Variants in COBLL1 observed in about 807,000 individuals in gnomAD.
COBLL1 encodes the protein cordon-bleu protein-like 1.
Under a neutral mutation model 94.8 loss-of-function variants are expected in COBLL1, and 50 were observed. The observed-to-expected ratio is 0.53, with a 90% CI of 0.42 to 0.67. The LOEUF (loss-of-function observed/expected upper bound fraction) is 0.67. Among genes scored for constraint, COBLL1 ranks in the 30% least tolerant of loss-of-function variants. COBLL1 has a pLI of 0.00. For synonymous variants in COBLL1, 448 were observed against 473.8 expected (o/e 0.95, Z 0.71); for missense variants, 1,362 against 1,348.7 (o/e 1.01, Z -0.15).
chr2:164,694,701 T>C lies in COBLL1; in HGVS notation c.2691A>G (p.Lys897=), dbSNP rs771692146. The change falls in exon 12 of 14, where the codon AAA becomes AAG. Residue 897 remains lysine, a synonymous_variant. Transcript: ENST00000652658. ...SVHAAPNPAP[K]ELTNKEAERD... ...TTTCTGCCTCTTTATTTGTCAGTTCTTTTGGAGCAGGATTAGGGGCAGCAT... is the reference window on the plus strand; with the variant it reads ...TTTCTGCCTCTTTATTTGTCAGTTCCTTTGGAGCAGGATTAGGGGCAGCAT... 6.2e-7 allele frequency: 1 copy of C among 1,613,878 alleles called. No homozygotes were observed. The highest frequency in any genetic ancestry group is 1.1e-5 in the South Asian group (1 of 91,074).
intron 5 of COBLL1, among the ~76,000 whole-genome samples, chr2:164,725,733 T>C (rs1685694855): frequency 6.6e-6 from 1 of 152,324 alleles, no homozygotes; most frequent in African/African-American, 2.4e-5. Flanking sequence ...TGGTTATTTT[T>C]GGTGAAGAAA....
intron 2 of COBLL1, among the ~76,000 whole-genome samples, chr2:164,811,184 GT>G (rs1440117625): frequency 2.0e-5 from 3 of 151,756 alleles, no homozygotes; most frequent in Non-Finnish European, 3.0e-5. Context: ...TTGTTTACAT[GT>G]TTCTTCTCAT....
chr2:164,720,814 T>C (rs1685404785), intron 7 of COBLL1, among the ~76,000 whole-genome samples: 1 of 152,108 alleles, frequency 6.6e-6, no homozygotes, highest in African/African-American at 2.4e-5. Context: ...GAATCATCTC[T>C]CCGTGAAGAT....
chr2:164,668,231 T>C (rs1691195386), intron 1 of COBLL1, among the ~76,000 whole-genome samples: 1 of 151,994 alleles, frequency 6.6e-6, no homozygotes, highest in Non-Finnish European at 1.5e-5. Flanking sequence ...CCCAAAGTGC[T>C]GAGATTACAC....
intron 1 of COBLL1, among the ~76,000 whole-genome samples, chr2:164,671,457 C>T (rs1479133078): frequency 1.3e-5 from 2 of 152,052 alleles, no homozygotes; most frequent in Non-Finnish European, 2.9e-5. Context: ...AACAAATAGA[C>T]TCATAATATT....
At chr2:164,721,963 T>A (rs967849986) in intron 7 of COBLL1, 112 bp downstream of exon 7, 4 of 721,340 alleles carry the variant, frequency 5.5e-6, no homozygotes, top group Non-Finnish European at 9.1e-6. Flanking sequence ...AATTACCAAC[T>A]GTTATAGGAC....
chr2:164,668,115 C>G (rs895063373), intron 1 of COBLL1, among the ~76,000 whole-genome samples: 1 of 152,118 alleles, frequency 6.6e-6, no homozygotes, highest in Non-Finnish European at 1.5e-5. Context: ...AGGCATGCAC[C>G]ACCACTCCCT....
intron 2 of COBLL1, among the ~76,000 whole-genome samples, chr2:164,797,904 G>C (rs953839968): frequency 2.0e-5 from 3 of 152,116 alleles, no homozygotes; most frequent in Admixed American, 1.3e-4. Context: ...AACCAGATTG[G>C]AACTGAAACT....
At chr2:164,720,142 A>G (rs1228990851) in intron 7 of COBLL1, among the ~76,000 whole-genome samples, 2 of 152,190 alleles carry the variant, frequency 1.3e-5, no homozygotes, top group African/African-American at 4.8e-5. Context: ...ATGGTTCTTC[A>G]GCTTCTCTAG....
chr2:164,714,105 C>A (rs948367601), intron 7 of COBLL1, among the ~76,000 whole-genome samples: 1 of 151,630 alleles, frequency 6.6e-6, no homozygotes, highest in African/African-American at 2.4e-5. Flanking sequence ...TCTCTCAGGC[C>A]AGGTCAGGAC....
intron 2 of COBLL1, among the ~76,000 whole-genome samples, chr2:164,664,828 T>C (rs1691130166): frequency 6.6e-6 from 1 of 152,210 alleles, no homozygotes; most frequent in South Asian, 2.1e-4. Context: ...CATTTAGTTC[T>C]CCTGATAAAT....
In COBLL1 at chr2:164,841,243, A is replaced by C. The variant is rs1035667867; in HGVS notation, c.-47T>G. Reference sequence around the variant, plus strand: ...GGCTCCAGCTCCCAGGCGGCGCGTCACTGCTGGGGTGGGAGAGGCCGGCGG... The same window carrying C: ...GGCTCCAGCTCCCAGGCGGCGCGTCCCTGCTGGGGTGGGAGAGGCCGGCGG... On this transcript the variant is annotated 5_prime_UTR_variant, in exon 2 of 14. Coordinates refer to ENST00000652658, the MANE Select transcript of COBLL1 (RefSeq NM_001365672.2). The surrounding 1 kb of genome is among the most constrained non-coding windows in gnomAD (Gnocchi z 5.5). 2.4e-6 allele frequency: 3 copies of C among 1,226,954 alleles called. No individual in the cohort carries two copies. The highest frequency in any genetic ancestry group is 2.0e-6 in the Non-Finnish European group (2 of 985,296). 76.0% of individuals were successfully genotyped at this position (1,226,954 alleles called of 1,614,324 possible).
intron 2 of COBLL1, among the ~76,000 whole-genome samples, chr2:164,789,590 G>C (rs921996993): frequency 6.6e-6 from 1 of 152,136 alleles, no homozygotes; most frequent in Non-Finnish European, 1.5e-5. Context: ...CAGAGGGTAT[G>C]TTAGAAAACT....
At chr2:164,703,791 T>G in intron 9 of COBLL1, 1 of 248,214 alleles carries the variant, frequency 4.0e-6, no homozygotes, top group Non-Finnish European at 8.6e-6. Flanking sequence ...GGTATGATAT[T>G]ACTAGTCTAT....
intron 13 of COBLL1, among the ~76,000 whole-genome samples, chr2:164,688,286 A>G (rs140157069): frequency 6.6e-6 from 1 of 152,314 alleles, no homozygotes; most frequent in Non-Finnish European, 1.5e-5. Flanking sequence ...GAAGCCATCA[A>G]TAGAATACTA....
chr2:164,676,586 A>G (rs1574392105), downstream of COBLL1, among the ~76,000 whole-genome samples: 1 of 152,114 alleles, frequency 6.6e-6, no homozygotes, highest in African/African-American at 2.4e-5. Context: ...GAAAATCTGT[A>G]CCAGATTACC....
chr2:164,660,506 T>C (rs569583820), intron 2 of COBLL1, among the ~76,000 whole-genome samples: 7 of 152,112 alleles, frequency 4.6e-5, no homozygotes, highest in Non-Finnish European at 8.8e-5. Context: ...GGAAGTGAAG[T>C]AGAGGAGGAG....
chr2:164,744,765 A>G (rs950287593), intron 2 of COBLL1, among the ~76,000 whole-genome samples: 6 of 152,348 alleles, frequency 3.9e-5, no homozygotes, highest in Non-Finnish European at 5.9e-5. Flanking sequence ...TGTTTGATAA[A>G]TAATATATCT....
chr2:164,694,261 AC>A lies in COBLL1; in HGVS notation c.3123+7del, dbSNP rs1683773966. The A allele has an allele frequency of 1.2e-6, 2 of 1,607,716 alleles. No individual in the cohort carries two copies. Among genetic ancestry groups the A allele is most frequent in the Admixed American group, 1.7e-5 (1 of 58,974 alleles). On this transcript the variant is annotated splice_region_variant and intron_variant, in intron 12 of 13. Coordinates refer to ENST00000652658, the MANE Select transcript of COBLL1 (RefSeq NM_001365672.2). ...TTGAATACTTATTTTTAAAAAGGCTACAGTTACCTTATCAGACACACCAAGC... is the reference window on the plus strand; with the variant it reads ...TTGAATACTTATTTTTAAAAAGGCTAAGTTACCTTATCAGACACACCAAGC...
Sources: allele counts gnomAD v4.1 joint callset (sites outside exome capture counted in the v4.1 genomes callset), GRCh38; gene constraint gnomAD v4.1.1; non-coding constraint Gnocchi (gnomAD v3.1); transcripts MANE v1.5; gene names NCBI Gene and HGNC (gene_info 2026-07-23, HGNC 2026-07-21).